MYH10: variants seen among roughly 807,000 people sequenced by gnomAD.
MYH10 encodes myosin heavy chain 10, also known as myosin-10.
Under a neutral mutation model 257.8 loss-of-function variants are expected in MYH10, and 55 were observed. That is an observed-to-expected ratio of 0.21 (90% confidence interval 0.17 to 0.27). MYH10 has a LOEUF of 0.27. Ranked by LOEUF, MYH10 falls within the 10% of genes least tolerant of loss-of-function variation. The pLI, the probability that MYH10 is intolerant of heterozygous loss-of-function variation, is 1.00. For missense variants in MYH10, 1,631 were observed against 2,500.6 expected (o/e 0.65, Z 7.42); for synonymous variants, 854 against 921.7 (o/e 0.93, Z 1.33).
chr17:8,478,271 G>GCCACCA, intron 41 of MYH10, 67 bp downstream of exon 41: 2 of 1,349,706 alleles, frequency 1.5e-6, no homozygotes, highest in South Asian at 2.3e-5. Flanking sequence ...GGTCAGTTGT[G>GCCACCA]CCACCAGCTC....
intron 9 of MYH10, 53 bp downstream of exon 9, chr17:8,551,993 A>G: frequency 9.5e-7 from 1 of 1,056,354 alleles, no homozygotes; most frequent in Non-Finnish European, 1.3e-6. Context: ...TCAAAAAAAA[A>G]TTAAAAGAGA....
At chr17:8,520,215 A>C (rs1204640918) in intron 19 of MYH10, among the ~76,000 whole-genome samples, 1 of 152,230 alleles carries the variant, frequency 6.6e-6, no homozygotes, top group Admixed American at 6.5e-5. Flanking sequence ...TTAAAAAATC[A>C]ATTTTAAAAA....
At chr17:8,566,635 C>T (rs528526680) in intron 7 of MYH10, among the ~76,000 whole-genome samples, 7 of 152,188 alleles carry the variant, frequency 4.6e-5, no homozygotes, top group South Asian at 4.2e-4. Context: ...ATCTCAGTGA[C>T]GACCTCCTAA....
intron 2 of MYH10, among the ~76,000 whole-genome samples, chr17:8,617,000 A>G (rs1382780181): frequency 6.6e-6 from 1 of 152,138 alleles, no homozygotes; most frequent in African/African-American, 2.4e-5. Flanking sequence ...GCCCCTTCAG[A>G]GCAGTGGAGA....
intron 25 of MYH10, among the ~76,000 whole-genome samples, chr17:8,509,553 T>G (rs554510286): frequency 2.0e-5 from 3 of 152,076 alleles, no homozygotes; most frequent in Non-Finnish European, 2.9e-5. Context: ...CAAGTCATCA[T>G]TGAGTGACCA....
intron 14 of MYH10, among the ~76,000 whole-genome samples, chr17:8,536,798 CAAA>C (rs377714925): frequency 7.3e-4 from 86 of 117,822 alleles, no homozygotes; most frequent in African/African-American, 2.5e-3. Flanking sequence ...GACTCTGTCT[CAAA>C]AAAAAAAAAA....
chr17:8,531,870 A>C (rs959877928), intron 16 of MYH10, among the ~76,000 whole-genome samples: 5 of 152,220 alleles, frequency 3.3e-5, no homozygotes, highest in African/African-American at 1.2e-4. Context: ...TTCTAGAGAA[A>C]AATTGCTCCC....
In MYH10 at chr17:8,545,659, G is replaced by A. The variant is rs1597791961; in HGVS notation, c.1279-59C>T. 38 of 1,553,542 alleles carry A rather than the reference G, an allele frequency of 2.4e-5. No individual in the cohort carries two copies. In the East Asian group the frequency reaches 8.3e-4, roughly 34 times the overall value. On this transcript the variant is annotated intron_variant, in intron 12 of 42. Transcript: ENST00000360416. The surrounding 1 kb of genome is among the most constrained non-coding windows in gnomAD (Gnocchi z 4.7). ...AAACAATCTCAACAAAGCATAAATA[G>A]CTGTTTTACGGAATTTAATGTTATA...
Position 8,581,247 on chromosome 17 carries a change from C to G in MYH10, c.531-3909G>C, listed in dbSNP as rs527875808. Among the ~76,000 whole-genome samples the G allele has an allele frequency of 8.5e-4, 129 of 152,210 alleles. 1 individual carries two copies. Among genetic ancestry groups the G allele is most frequent in the African/African-American group, 2.7e-3 (112 of 41,512 alleles). On this transcript the variant is annotated intron_variant, in intron 4 of 42. Transcript: ENST00000360416. Reference sequence around the variant, plus strand: ...ATTTCTTAATAGCTATGACAGTGGTCTCTCTGTTCTGTTCTTAACAGTATT... The same window carrying G: ...ATTTCTTAATAGCTATGACAGTGGTGTCTCTGTTCTGTTCTTAACAGTATT...
chr17:8,578,245 T>TTC (rs200848673), intron 4 of MYH10, among the ~76,000 whole-genome samples: 2,099 of 144,446 alleles, frequency 0.015, 21 homozygotes, highest in African/African-American at 0.022. Flanking sequence ...CTTTCTTTCT[T>TTC]TTTTTTTTTT....
intron 19 of MYH10, among the ~76,000 whole-genome samples, chr17:8,519,296 G>A (rs62063423): frequency 1.3e-5 from 2 of 152,124 alleles, no homozygotes; most frequent in Non-Finnish European, 2.9e-5. Context: ...CTGGCTTTCT[G>A]TACTTTAAGT....
At chr17:8,572,474 T>C (rs1457622189) in intron 6 of MYH10, among the ~76,000 whole-genome samples, 1 of 152,228 alleles carries the variant, frequency 6.6e-6, no homozygotes, top group Middle Eastern at 3.2e-3. Context: ...TCTGTGATGG[T>C]GGATATCATG....
chr17:8,521,360 A>T, intron 17 of MYH10, 75 bp from the exon 18 acceptor site: 1 of 1,463,940 alleles, frequency 6.8e-7, no homozygotes, highest in Non-Finnish European at 9.5e-7. Flanking sequence ...ACACAGTGAA[A>T]GTGCAGCAGC....
chr17:8,499,419 C>T lies in MYH10; in HGVS notation c.3802G>A (p.Ala1268Thr), dbSNP rs543280206. The T allele has an allele frequency of 3.5e-5, 57 of 1,614,148 alleles. No individual in the cohort carries two copies. In the South Asian group the frequency reaches 6.0e-4, roughly 17 times the overall value. The change falls in exon 30 of 43, where the codon GCG becomes ACG. Residue 1268 changes from alanine (A) to threonine (T), a missense_variant. Physicochemically the swap from Ala to Thr is moderately conservative, Grantham distance 58. Around this residue, in one of 11 missense-constraint regions of MYH10, gnomAD observed 463 missense variants for 621.8 expected, o/e 0.74. Transcript: ENST00000360416. ...TGCTGCAGGACCTTCACCTCACACG[C>T]CAGCTCCTTGTTATCTGTCTCCAGG... Reference protein sequence around the residue: ...QGLETDNKELACEVKVLQQVK... With the variant: ...QGLETDNKELTCEVKVLQQVK...
rs145902144 is a variant in MYH10, at chr17:8,475,831, G to A, written c.5997C>T (p.Asn1999=). ...ACTCTGACTGGGGTGGCTGCGTCTC[G>A]TTGACATCACTGGTCTTACTTTCTG... ...DDTESKTSDV[N]ETQPPQSE is the part of the protein sequence containing the mutation. Residue 1999 remains asparagine (N), a synonymous_variant, in exon 43 of 43, where the codon AAC becomes AAT. Coordinates refer to ENST00000360416, the MANE Select transcript of MYH10 (RefSeq NM_001256012.3). 10 of 1,614,054 alleles carry A rather than the reference G, an allele frequency of 6.2e-6. No individual in the cohort carries two copies. The African/African-American group carries it at 9.3e-5, about 15-fold the overall frequency.
chr17:8,487,709 C>T (rs1597617698), intron 35 of MYH10, 115 bp from the exon 36 acceptor site: 1 of 1,193,838 alleles, frequency 8.4e-7, no homozygotes, highest in Non-Finnish European at 1.2e-6. Context: ...ACTTCTGTTA[C>T]TCTGTAGAGG....
At chr17:8,584,634 G>A (rs2083828520) in intron 4 of MYH10, among the ~76,000 whole-genome samples, 1 of 152,106 alleles carries the variant, frequency 6.6e-6, no homozygotes, top group African/African-American at 2.4e-5. Context: ...CTTAACAGGT[G>A]GCTTTAAGAG....
In MYH10 at chr17:8,474,638, A is replaced by G. The variant is rs1003789374; in HGVS notation, c.*1166T>C. On this transcript the variant is annotated 3_prime_UTR_variant, in exon 43 of 43. Coordinates refer to ENST00000360416, the MANE Select transcript of MYH10 (RefSeq NM_001256012.3). ...CATTAAATTGTTATAGAGGCGAATG[A>G]TATATTCAACATTGTCTTAGTACTG... The G allele has an allele frequency of 2.0e-5, 3 of 152,622 alleles. No homozygotes were observed. Among genetic ancestry groups the G allele is most frequent in the Non-Finnish European group, 4.4e-5 (3 of 68,036 alleles). The allele number at this position is 152,622 out of a possible 1,614,324, so 9.5% of individuals were successfully genotyped here.
chr17:8,535,922 G>A lies in MYH10; in HGVS notation c.1615C>T (p.Pro539Ser). Reference sequence around the variant, plus strand: ...TCATCCAAAAGGGCCAGTACACCAGGAGGGTTCGCCTGATAATGACAGGCA... The same window carrying A: ...TCATCCAAAAGGGCCAGTACACCAGAAGGGTTCGCCTGATAATGACAGGCA... The part of the protein sequence containing the change: ...IDLIERPANP[P>S]GVLALLDEEC... Residue 539 changes from proline to serine, a missense_variant, in exon 15 of 43, where the codon CCT becomes TCT. Around this residue, in one of 11 missense-constraint regions of MYH10, gnomAD observed 63 missense variants for 167.9 expected, o/e 0.38. Coordinates refer to ENST00000360416, the MANE Select transcript of MYH10 (RefSeq NM_001256012.3). The surrounding 1 kb of genome is among the most constrained non-coding windows in gnomAD (Gnocchi z 4.3). 6 of 1,613,600 alleles carry A rather than the reference G, an allele frequency of 3.7e-6. No homozygotes were observed. The East Asian group carries it at 1.3e-4, about 36-fold the overall frequency.
Sources: gnomAD v4.1 joint callset for allele counts (sites outside exome capture counted in the v4.1 genomes callset) on GRCh38, gnomAD v4.1.1 for gene constraint, gnomAD v4.1.1 regional missense constraint, Gnocchi (gnomAD v3.1) non-coding constraint, MANE v1.5 for transcripts, NCBI Gene and HGNC (gene_info 2026-07-23, HGNC 2026-07-21) for gene names.